Variants in ISCA1 observed in about 807,000 individuals in gnomAD.
ISCA1 encodes iron-sulfur cluster assembly 1 homolog, mitochondrial.
Under a neutral mutation model 14.7 loss-of-function variants are expected in ISCA1, and 9 were observed. The ratio of observed to expected loss-of-function variants is 0.61; its 90% confidence interval spans 0.37 to 1.07. ISCA1 has a LOEUF of 1.07. Ranked by LOEUF, ISCA1 falls within the 50% of genes least tolerant of loss-of-function variation. The pLI is 0.01. For synonymous variants in ISCA1, 38 were observed against 54.3 expected (o/e 0.70, Z 1.32); for missense variants, 102 against 150.1 (o/e 0.68, Z 1.67).
intron 1 of ISCA1, chr9:86,282,104 C>G: frequency 2.1e-6 from 1 of 471,276 alleles, no homozygotes; most frequent in Non-Finnish European, 3.8e-6. Context: ...CGCCCACCCC[C>G]GGGATCCCCT....
chr9:86,281,106 A>G (rs1264829112), intron 1 of ISCA1, among the ~76,000 whole-genome samples: 1 of 152,234 alleles, frequency 6.6e-6, no homozygotes, highest in Non-Finnish European at 1.5e-5. Context: ...TGAGATTGAA[A>G]GAGACACAAA....
chr9:86,270,535 C>T (rs889495057), intron 3 of ISCA1, among the ~76,000 whole-genome samples: 119 of 150,558 alleles, frequency 7.9e-4, no homozygotes, highest in African/African-American at 2.7e-3. Context: ...GTCAGTGTGG[C>T]GATTCCTCAG....
intron 3 of ISCA1, among the ~76,000 whole-genome samples, chr9:86,271,096 A>G (rs1825363424): frequency 7.0e-6 from 1 of 142,860 alleles, no homozygotes; most frequent in Admixed American, 6.8e-5. Context: ...GTATAATAAT[A>G]ATAATAATAA....
intron 3 of ISCA1, among the ~76,000 whole-genome samples, chr9:86,269,792 T>C (rs932852092): frequency 1.3e-5 from 2 of 151,678 alleles, no homozygotes; most frequent in Non-Finnish European, 2.9e-5. Context: ...ACGCCGCATA[T>C]CTACAACTAT....
At chr9:86,277,548 G>A (rs1198963041) in intron 1 of ISCA1, among the ~76,000 whole-genome samples, 1 of 152,156 alleles carries the variant, frequency 6.6e-6, no homozygotes, top group African/African-American at 2.4e-5. Context: ...ATCCTACCCT[G>A]CTTTAAGTCT....
At chr9:86,266,946 C>A (rs1342582708) in intron 3 of ISCA1, 1 of 152,412 alleles carries the variant, frequency 6.6e-6, no homozygotes, top group East Asian at 1.9e-4. Context: ...GATCCTCCCA[C>A]CTCGGCCTCC....
At chr9:86,271,690 A>G (rs894669348) in intron 3 of ISCA1, among the ~76,000 whole-genome samples, 2 of 152,216 alleles carry the variant, frequency 1.3e-5, no homozygotes, top group African/African-American at 2.4e-5. Flanking sequence ...ACAAGCTTAT[A>G]TAATAATTTA....
At chr9:86,270,507 A>G (rs1201004586) in intron 3 of ISCA1, among the ~76,000 whole-genome samples, 2 of 150,346 alleles carry the variant, frequency 1.3e-5, no homozygotes, top group Admixed American at 1.3e-4. Flanking sequence ...ACTGTAAACT[A>G]GTTCAACCAT....
Position 86,266,210 on chromosome 9 carries a change from T to A in ISCA1, c.242-19A>T, listed in dbSNP as rs543954539. On this transcript the variant is annotated intron_variant, in intron 3 of 3. Transcript: ENST00000375991. ...CTGACTCCTTGGAGAAAAGAAAACA[T>A]GTGTCATGGAAAGCCTGCAGCCTTA... The A allele has an allele frequency of 1.9e-6, 3 of 1,591,966 alleles. No homozygotes were observed. The highest frequency in any genetic ancestry group is 2.2e-5 in the East Asian group (1 of 44,692).
intron 1 of ISCA1, 47 bp downstream of exon 1, chr9:86,282,331 G>C: frequency 6.5e-7 from 1 of 1,526,872 alleles, no homozygotes; most frequent in Admixed American, 2.0e-5. Context: ...TGCACGGGGC[G>C]GACACGAGCA....
chr9:86,275,753 T>A (rs1050089097), intron 1 of ISCA1, among the ~76,000 whole-genome samples: 1 of 152,194 alleles, frequency 6.6e-6, no homozygotes, highest in Admixed American at 6.5e-5. Context: ...CCCATGGTTC[T>A]GTCAGAAAAG....
intron 3 of ISCA1, among the ~76,000 whole-genome samples, chr9:86,270,094 G>C (rs1048951260): frequency 4.0e-5 from 6 of 150,514 alleles, no homozygotes; most frequent in African/African-American, 1.2e-4. Context: ...TGACAAATGG[G>C]ATCTAATTAA....
intron 2 of ISCA1, 141 bp downstream of exon 2, chr9:86,274,048 T>C (rs1291949944): frequency 3.5e-6 from 2 of 577,340 alleles, no homozygotes; most frequent in African/African-American, 1.9e-5. Context: ...TTTGTATTAT[T>C]TGAATTTTTT....
In ISCA1 at chr9:86,265,740, T is replaced by A; in HGVS notation, c.*303A>T. The A allele has an allele frequency of 2.4e-6, 1 of 424,528 alleles. No individual in the cohort carries two copies. The highest frequency in any genetic ancestry group is 4.5e-6 in the Non-Finnish European group (1 of 224,472). 26.3% of individuals were successfully genotyped at this position (424,528 alleles called of 1,614,324 possible). The stretch of plus-strand genomic sequence containing the variant: ...GGGATGATCAAGCCATCAATAGCGA[T>A]CTAAGGAGTGCACACAGTTCAGGAA... On this transcript the variant is annotated 3_prime_UTR_variant, in exon 4 of 4. Coordinates refer to ENST00000375991, the MANE Select transcript of ISCA1 (RefSeq NM_030940.4).
intron 3 of ISCA1, chr9:86,267,372 A>G (rs1241363059): frequency 3.5e-6 from 3 of 859,104 alleles, no homozygotes; most frequent in East Asian, 2.4e-4. Flanking sequence ...AATTTTTAAA[A>G]TAATACATTT....
At chr9:86,270,729 G>C (rs1445596769) in intron 3 of ISCA1, among the ~76,000 whole-genome samples, 2 of 151,308 alleles carry the variant, frequency 1.3e-5, no homozygotes. Context: ...TTAAGAAAAT[G>C]TGGCACATAT....
intron 2 of ISCA1, 130 bp downstream of exon 2, chr9:86,274,059 A>T (rs1825408627): frequency 1.9e-5 from 11 of 588,698 alleles, no homozygotes; most frequent in South Asian, 6.9e-5. Context: ...TGAATTTTTT[A>T]AAAATCCTGA....
chr9:86,281,823 A>T (rs1275507970), intron 1 of ISCA1: 2 of 153,808 alleles, frequency 1.3e-5, no homozygotes, highest in East Asian at 3.8e-4. Flanking sequence ...ATCACCCAGG[A>T]CACCGGCAAG....
At chr9:86,272,182 G>A in intron 2 of ISCA1, 70 bp from the exon 3 acceptor site, 1 of 926,400 alleles carries the variant, frequency 1.1e-6, no homozygotes, top group South Asian at 1.4e-5. Context: ...CTAATAAAGT[G>A]ACAGTAGCCT....
Sources: gnomAD v4.1 joint callset for allele counts (sites outside exome capture counted in the v4.1 genomes callset) on GRCh38, gnomAD v4.1.1 for gene constraint, MANE v1.5 for transcripts, NCBI Gene and HGNC (gene_info 2026-07-23, HGNC 2026-07-21) for gene names.